Variants in PHACTR3 observed in about 807,000 individuals in gnomAD.
PHACTR3 encodes phosphatase and actin regulator 3.
In PHACTR3, 16 loss-of-function variants were observed where a neutral mutation model predicts 66.8. The ratio of observed to expected loss-of-function variants is 0.24; its 90% confidence interval spans 0.16 to 0.36. The LOEUF (loss-of-function observed/expected upper bound fraction) is 0.36. Among genes scored for constraint, PHACTR3 ranks in the 10% least tolerant of loss-of-function variants. The pLI, the probability that PHACTR3 is intolerant of heterozygous loss-of-function variation, is 1.00. For synonymous variants in PHACTR3, 323 were observed against 292.1 expected (o/e 1.11, Z -1.08); for missense variants, 647 against 719.9 (o/e 0.90, Z 1.16).
At chr20:59,832,002 A>G (rs2042398202) in intron 8 of PHACTR3, among the ~76,000 whole-genome samples, 1 of 152,130 alleles carries the variant, frequency 6.6e-6, no homozygotes, top group Admixed American at 6.5e-5. Flanking sequence ...ACTGTGGGGC[A>G]GGGGTGGTGG....
At chr20:59,647,309 A>G (rs1191854238) in intron 1 of PHACTR3, among the ~76,000 whole-genome samples, 2 of 152,336 alleles carry the variant, frequency 1.3e-5, no homozygotes, top group Non-Finnish European at 1.5e-5. Context: ...AACCACCCAC[A>G]TGATTCAATT....
At chr20:59,604,492 A>T (rs983335578), upstream of PHACTR3, 2 of 455,978 alleles carry the variant, frequency 4.4e-6, no homozygotes, top group Non-Finnish European at 5.8e-6. Flanking sequence ...GCGCGGCATG[A>T]TGGGAGAATC....
chr20:59,785,771 G>A (rs1413805596), intron 7 of PHACTR3, among the ~76,000 whole-genome samples: 3 of 152,194 alleles, frequency 2.0e-5, no homozygotes, highest in East Asian at 1.9e-4. Context: ...TCCAGTGGGT[G>A]TGTCCCTGGC....
chr20:59,716,304 T>C (rs1326421782), intron 1 of PHACTR3, among the ~76,000 whole-genome samples: 2 of 151,140 alleles, frequency 1.3e-5, no homozygotes, highest in African/African-American at 2.4e-5. Context: ...TGGAGTGCAG[T>C]GGTGCGATCT....
At chr20:59,596,238 C>T (rs1486246946) in intron 1 of PHACTR3, among the ~76,000 whole-genome samples, 7 of 152,172 alleles carry the variant, frequency 4.6e-5, no homozygotes, top group Non-Finnish European at 7.3e-5. Flanking sequence ...TAGATTCAAG[C>T]GATTCTCCTG....
chr20:59,632,030 A>G (rs914779373), intron 1 of PHACTR3, among the ~76,000 whole-genome samples: 1 of 152,126 alleles, frequency 6.6e-6, no homozygotes, highest in Non-Finnish European at 1.5e-5. Context: ...CTGCCTCCCT[A>G]TCGTCCTCAC....
intron 8 of PHACTR3, among the ~76,000 whole-genome samples, chr20:59,810,500 C>T (rs2041703393): frequency 6.6e-6 from 1 of 152,238 alleles, no homozygotes; most frequent in Admixed American, 6.5e-5. Flanking sequence ...ATTGGTCTCC[C>T]TTTGTCTCTG....
chr20:59,596,752 G>A lies in PHACTR3; in HGVS notation c.109+19135G>A, dbSNP rs190245544. On this transcript the variant is annotated intron_variant, in intron 1 of 12. Transcript: ENST00000359926. ...CCTTCCAAGCTCTGCTCAGCAGGGC[G>A]GTGGTGTATTTTTGCATCTGTTTTG... Among the ~76,000 whole-genome samples, 767 of 152,304 alleles carry A rather than the reference G, an allele frequency of 5.0e-3. 3 individuals are homozygous for A. Among genetic ancestry groups the A allele is most frequent in the Non-Finnish European group, 8.0e-3 (542 of 68,036 alleles).
intron 1 of PHACTR3, among the ~76,000 whole-genome samples, chr20:59,614,856 G>T (rs1197061920): frequency 2.0e-5 from 3 of 152,124 alleles, no homozygotes; most frequent in East Asian, 3.9e-4. Context: ...TGGCAGGAAG[G>T]CATTGTCTTA....
At chr20:59,803,862 G>A (rs1430341918) in intron 7 of PHACTR3, among the ~76,000 whole-genome samples, 2 of 152,200 alleles carry the variant, frequency 1.3e-5, no homozygotes, top group African/African-American at 4.8e-5. Context: ...AGGTTAGGAT[G>A]AGAAAGTAAG....
At chr20:59,642,836 C>T (rs199877466) in intron 1 of PHACTR3, among the ~76,000 whole-genome samples, 20 of 152,240 alleles carry the variant, frequency 1.3e-4, no homozygotes, top group Middle Eastern at 3.4e-3. Context: ...AACATTGGGG[C>T]GTTTGCCTAC....
At chr20:59,832,966 C>A (rs2042429021) in intron 8 of PHACTR3, among the ~76,000 whole-genome samples, 1 of 152,194 alleles carries the variant, frequency 6.6e-6, no homozygotes, top group Non-Finnish European at 1.5e-5. Context: ...AGTCAGGGGT[C>A]TTCTTGCTCA....
chr20:59,718,179 C>CT (rs2038165159), intron 1 of PHACTR3, among the ~76,000 whole-genome samples: 1 of 152,232 alleles, frequency 6.6e-6, no homozygotes, highest in South Asian at 2.1e-4. Context: ...AGCTGTGTCA[C>CT]TGTTGGTGCC....
At chr20:59,808,377 C>T (rs527419162) in intron 8 of PHACTR3, among the ~76,000 whole-genome samples, 6 of 152,318 alleles carry the variant, frequency 3.9e-5, no homozygotes, top group South Asian at 2.1e-4. Context: ...GGCAGGCTAA[C>T]GTGTCTCGTG....
At position 59,605,008 on chromosome 20, in the gene PHACTR3, C is replaced by T. The variant is rs1024114877; in HGVS notation, c.-7C>T. The T allele has an allele frequency of 5.8e-5, 77 of 1,317,558 alleles. No homozygotes were observed. In the African/African-American group the frequency reaches 1.0e-3, roughly 18 times the overall value. The allele number at this position is 1,317,558 out of a possible 1,614,324, so 81.6% of individuals were successfully genotyped here. On this transcript the variant is annotated 5_prime_UTR_variant, in exon 1 of 13. Transcript: ENST00000371015. ...CGCTCTAACTTGCCCCCGCGCCGGC[C>T]GGGCCCATGGCCGCGTCGGAGGACG...
chr20:59,813,777 G>C (rs1046281864), intron 8 of PHACTR3, among the ~76,000 whole-genome samples: 1 of 152,058 alleles, frequency 6.6e-6, no homozygotes, highest in Non-Finnish European at 1.5e-5. Flanking sequence ...GGGGCCATGG[G>C]TCCAGGTGGT....
chr20:59,793,758 CTT>C (rs562172754), intron 7 of PHACTR3, among the ~76,000 whole-genome samples: 1 of 147,092 alleles, frequency 6.8e-6, no homozygotes, highest in African/African-American at 2.5e-5. Flanking sequence ...ATTTGGATGC[CTT>C]TTTTTTTTCT....
intron 4 of PHACTR3, among the ~76,000 whole-genome samples, chr20:59,764,118 G>T (rs561451224): frequency 5.9e-5 from 9 of 152,162 alleles, no homozygotes; most frequent in Non-Finnish European, 1.2e-4. Flanking sequence ...AGCTCAGAGG[G>T]ATGTGGAACT....
chr20:59,583,022 C>A (rs1600860887), intron 1 of PHACTR3, among the ~76,000 whole-genome samples: 1 of 152,060 alleles, frequency 6.6e-6, no homozygotes, highest in Non-Finnish European at 1.5e-5. Flanking sequence ...CAGGGAGGGT[C>A]CTGGTTTTAG....
Sources: allele counts gnomAD v4.1 joint callset (sites outside exome capture counted in the v4.1 genomes callset), GRCh38; gene constraint gnomAD v4.1.1; transcripts MANE v1.5; gene names NCBI Gene and HGNC (gene_info 2026-07-23, HGNC 2026-07-21).